The following FAM227B variants were observed in gnomAD, a reference collection of about 807,000 sequenced individuals.
FAM227B encodes the protein family with sequence similarity 227 member B.
In FAM227B, 88 loss-of-function variants were observed where a neutral mutation model predicts 73.8. The observed-to-expected ratio is 1.19, with a 90% CI of 1.00 to 1.42. FAM227B has a LOEUF of 1.42. Ranked by LOEUF, FAM227B falls within the 40% of genes most tolerant of loss-of-function variation. FAM227B has a pLI of 0.00. For synonymous variants in FAM227B, 210 were observed against 190.5 expected (o/e 1.10, Z -0.84); for missense variants, 632 against 590.9 (o/e 1.07, Z -0.72).
intron 7 of FAM227B, among the ~76,000 whole-genome samples, chr15:49,575,384 G>T (rs2075382768): frequency 6.6e-6 from 1 of 151,350 alleles, no homozygotes; most frequent in South Asian, 2.1e-4. Flanking sequence ...AAAATATTTT[G>T]GATTCTATTT....
chr15:49,375,509 T>TC (rs2046102281), intron 11 of FAM227B, among the ~76,000 whole-genome samples: 1 of 151,970 alleles, frequency 6.6e-6, no homozygotes, highest in African/African-American at 2.4e-5. Flanking sequence ...TTTCTATTTT[T>TC]TTTTATAAGA....
intron 11 of FAM227B, among the ~76,000 whole-genome samples, chr15:49,435,402 G>A (rs1193376423): frequency 2.0e-5 from 3 of 151,604 alleles, no homozygotes; most frequent in African/African-American, 4.8e-5. Context: ...TGGATCACCT[G>A]TTTCAACTAT....
At chr15:49,582,378 G>T (rs565426173) in intron 5 of FAM227B, among the ~76,000 whole-genome samples, 1 of 152,004 alleles carries the variant, frequency 6.6e-6, no homozygotes. Flanking sequence ...AATCAAAAAA[G>T]ACAAGGGAAT....
intron 11 of FAM227B, among the ~76,000 whole-genome samples, chr15:49,435,601 A>G (rs2051032086): frequency 6.6e-6 from 1 of 151,634 alleles, no homozygotes; most frequent in Non-Finnish European, 1.5e-5. Flanking sequence ...AAGTGCTTTC[A>G]GCTTTGAAAA....
At chr15:49,569,309 A>C (rs1480452771) in intron 8 of FAM227B, among the ~76,000 whole-genome samples, 1 of 151,794 alleles carries the variant, frequency 6.6e-6, no homozygotes, top group African/African-American at 2.4e-5. Context: ...TGTTCTTCTC[A>C]GAGACAGAAC....
intron 3 of FAM227B, among the ~76,000 whole-genome samples, chr15:49,603,670 T>C (rs930047423): frequency 6.6e-6 from 1 of 152,196 alleles, no homozygotes; most frequent in African/African-American, 2.4e-5. Context: ...AGTACTATGG[T>C]TGAATAATAG....
intron 3 of FAM227B, among the ~76,000 whole-genome samples, chr15:49,602,424 T>C (rs527557485): frequency 4.9e-4 from 74 of 152,370 alleles, no homozygotes; most frequent in African/African-American, 1.8e-3. Context: ...CATATGACTG[T>C]TTGCCATTTG....
intron 11 of FAM227B, among the ~76,000 whole-genome samples, chr15:49,433,413 A>T (rs1168491561): frequency 6.6e-6 from 1 of 151,652 alleles, no homozygotes; most frequent in Non-Finnish European, 1.5e-5. Context: ...AAGAGGGGAG[A>T]AAGATTAGTG....
intron 11 of FAM227B, among the ~76,000 whole-genome samples, chr15:49,450,916 A>G (rs1567299976): frequency 6.6e-6 from 1 of 152,174 alleles, no homozygotes. Flanking sequence ...AACTAGAGAT[A>G]TAGTTAGTAT....
intron 11 of FAM227B, among the ~76,000 whole-genome samples, chr15:49,444,874 CCT>C (rs1242995367): frequency 1.3e-5 from 2 of 151,528 alleles, no homozygotes; most frequent in African/African-American, 4.8e-5. Context: ...TAAAGTTTAG[CCT>C]CTCTTTTTTT....
At chr15:49,615,947 A>G (rs1026475479) in intron 1 of FAM227B, among the ~76,000 whole-genome samples, 9 of 152,252 alleles carry the variant, frequency 5.9e-5, no homozygotes, top group Non-Finnish European at 1.3e-4. Flanking sequence ...CTCAAAAAAA[A>G]TGAGTTGGGA....
At chr15:49,617,523 CAAT>C (rs2078366487) in intron 1 of FAM227B, among the ~76,000 whole-genome samples, 1 of 151,896 alleles carries the variant, frequency 6.6e-6, no homozygotes, top group African/African-American at 2.4e-5. Flanking sequence ...GATAAAAAAA[CAAT>C]AATTTAGAGG....
At chr15:49,408,016 T>C (rs1672320495) in intron 11 of FAM227B, among the ~76,000 whole-genome samples, 2 of 152,158 alleles carry the variant, frequency 1.3e-5, no homozygotes, top group African/African-American at 4.8e-5. Flanking sequence ...TACCAGTAAA[T>C]AGTTTATTTT....
chr15:49,590,667 A>G (rs1272192758), intron 3 of FAM227B, among the ~76,000 whole-genome samples: 5 of 152,158 alleles, frequency 3.3e-5, no homozygotes, highest in Admixed American at 6.5e-5. Flanking sequence ...ATCACCTCAC[A>G]GAGTTTATGT....
At chr15:49,372,957 C>T (rs1266543099) in intron 11 of FAM227B, among the ~76,000 whole-genome samples, 1 of 151,962 alleles carries the variant, frequency 6.6e-6, no homozygotes. Context: ...AAGGAACTTA[C>T]ATTTAAACAT....
chr15:49,390,399 T>A (rs548857964), intron 11 of FAM227B, among the ~76,000 whole-genome samples: 2 of 151,814 alleles, frequency 1.3e-5, no homozygotes, highest in Admixed American at 6.6e-5. Context: ...CTGTTTGATA[T>A]AGGGATCCAC....
chr15:49,479,412 A>G (rs918119988), intron 11 of FAM227B, among the ~76,000 whole-genome samples: 33 of 152,160 alleles, frequency 2.2e-4, no homozygotes, highest in African/African-American at 8.0e-4. Flanking sequence ...AAATCCACAA[A>G]GAAAGACAGC....
chr15:49,571,172 C>T (rs1245547608), intron 8 of FAM227B, among the ~76,000 whole-genome samples: 1 of 151,638 alleles, frequency 6.6e-6, no homozygotes, highest in East Asian at 1.9e-4. Context: ...AAAATGACTA[C>T]TAATTTACTT....
chr15:49,378,861 G>A (rs1001900393), intron 11 of FAM227B, among the ~76,000 whole-genome samples: 1 of 152,058 alleles, frequency 6.6e-6, no homozygotes, highest in Non-Finnish European at 1.5e-5. Flanking sequence ...GTGAAAGTGG[G>A]CATCAATGTC....
Sources: gnomAD v4.1 joint callset for allele counts (sites outside exome capture counted in the v4.1 genomes callset) on GRCh38, gnomAD v4.1.1 for gene constraint, MANE v1.5 for transcripts, NCBI Gene and HGNC (gene_info 2026-07-23, HGNC 2026-07-21) for gene names.